OSBPL6: variants seen among roughly 807,000 people sequenced by gnomAD.
The protein encoded by OSBPL6 is oxysterol binding protein like 6.
Under a neutral mutation model 125.8 loss-of-function variants are expected in OSBPL6, and 49 were observed. The ratio of observed to expected loss-of-function variants is 0.39; its 90% CI spans 0.31 to 0.49. The LOEUF (loss-of-function observed/expected upper bound fraction) is 0.49. Among genes scored for constraint, OSBPL6 ranks in the 20% least tolerant of loss-of-function variants. The pLI is 0.88. For missense variants in OSBPL6, 986 were observed against 1,135.4 expected (o/e 0.87, Z 1.89); for synonymous variants, 394 against 391.8 (o/e 1.01, Z -0.07).
Position 178,372,269 on chromosome 2 carries a change from T to A in OSBPL6, c.1395+36T>A, listed in dbSNP as rs368828840. ...TTTTAAATAGATGCAGAGTACCTATTTTTTAGCATCTAAATTTACTGCATA... is the reference window on the plus strand; with the variant it reads ...TTTTAAATAGATGCAGAGTACCTATATTTTAGCATCTAAATTTACTGCATA... On this transcript the variant is annotated intron_variant, in intron 14 of 24. Coordinates refer to ENST00000190611, the MANE Select transcript of OSBPL6 (RefSeq NM_032523.4). 1,772 of 1,448,026 alleles carry A rather than the reference T, an allele frequency of 1.2e-3. 2 individuals carry two copies. The highest frequency in any genetic ancestry group is 1.6e-3 in the Non-Finnish European group (1,699 of 1,046,734). 89.7% of individuals were successfully genotyped at this position (1,448,026 alleles called of 1,614,324 possible).
intron 1 of OSBPL6, among the ~76,000 whole-genome samples, chr2:178,267,664 C>T (rs540874220): frequency 6.6e-6 from 1 of 152,256 alleles, no homozygotes; most frequent in Admixed American, 6.5e-5. Flanking sequence ...TGTGATGTAA[C>T]AGGTTAAATG....
In OSBPL6 at chr2:178,397,330, C is replaced by G. The variant is rs554926378; in HGVS notation, c.*1771C>G. 94 of 152,348 alleles carry G rather than the reference C, an allele frequency of 6.2e-4. 1 individual carries two copies. Among genetic ancestry groups the G allele is most frequent in the African/African-American group, 2.1e-3 (86 of 41,580 alleles). The allele number at this position is 152,348 out of a possible 1,614,324, so 9.4% of individuals were successfully genotyped here. ...TAAATTTTCGAATCCATCACCAGAT[C>G]TAAGCATTCTGCTTCAACAATACCC... On this transcript the variant is annotated 3_prime_UTR_variant, in exon 25 of 25. Coordinates refer to ENST00000190611, the MANE Select transcript of OSBPL6 (RefSeq NM_032523.4).
chr2:178,216,525 T>C (rs1009348953), intron 1 of OSBPL6, among the ~76,000 whole-genome samples: 2 of 152,218 alleles, frequency 1.3e-5, no homozygotes, highest in Non-Finnish European at 2.9e-5. Context: ...TCTTCTTTTA[T>C]TGGTTGAGAA....
rs371405170 is a variant in OSBPL6, at chr2:178,309,276, TCTC to T, written c.102+2994_102+2996del. Among the ~76,000 whole-genome samples the T allele has an allele frequency of 7.4e-3, 1,133 of 152,234 alleles. 14 individuals are homozygous for T. Among genetic ancestry groups the T allele is most frequent in the African/African-American group, 0.026 (1,085 of 41,534 alleles). ...TATTGCTTATCTTTTTATGTACTGA[TCTC>T]CTCATCTGTATTGTGAGCTCTCGTA... On this transcript the variant is annotated intron_variant, in intron 3 of 24. Transcript: ENST00000190611.
chr2:178,219,353 A>T (rs1471072541), intron 1 of OSBPL6, among the ~76,000 whole-genome samples: 1 of 152,210 alleles, frequency 6.6e-6, no homozygotes, highest in Non-Finnish European at 1.5e-5. Flanking sequence ...ACTGAAAATA[A>T]AAAATAGTAG....
chr2:178,359,947 C>T (rs1472037741), intron 12 of OSBPL6, among the ~76,000 whole-genome samples: 1 of 152,052 alleles, frequency 6.6e-6, no homozygotes, highest in Non-Finnish European at 1.5e-5. Context: ...ATTAGTCAGG[C>T]GTGGTGGTGC....
In OSBPL6 at chr2:178,265,656, C is replaced by G. The variant is rs112822143; in HGVS notation, c.-350-19271C>G. Reference sequence around the variant, plus strand: ...ATCACAGCTCTTGGAAGCATGGCAGCCTTTTGGTGGGGAGTCTAATCTGGG... The same window carrying G: ...ATCACAGCTCTTGGAAGCATGGCAGGCTTTTGGTGGGGAGTCTAATCTGGG... On this transcript the variant is annotated intron_variant, in intron 1 of 24. Transcript: ENST00000190611. Among the ~76,000 whole-genome samples the G allele has an allele frequency of 6.8e-3, 1,031 of 152,206 alleles. 10 individuals carry two copies. Among genetic ancestry groups the G allele is most frequent in the African/African-American group, 0.023 (974 of 41,528 alleles).
At chr2:178,275,464 A>G (rs1427261883) in intron 1 of OSBPL6, among the ~76,000 whole-genome samples, 1 of 152,162 alleles carries the variant, frequency 6.6e-6, no homozygotes, top group African/African-American at 2.4e-5. Flanking sequence ...GTGAGCCAAG[A>G]TTGCACCACT....
intron 1 of OSBPL6, among the ~76,000 whole-genome samples, chr2:178,200,247 CTTTTTTTTTTTTT>C (rs767677596): frequency 9.1e-6 from 1 of 109,742 alleles, no homozygotes; most frequent in East Asian, 2.6e-4. Flanking sequence ...TTCTTCAGAC[CTTTTTTTTTTTTT>C]TTTTTTTTTG....
intron 11 of OSBPL6, among the ~76,000 whole-genome samples, chr2:178,345,459 G>A (rs1213690634): frequency 6.6e-6 from 1 of 152,136 alleles, no homozygotes; most frequent in Non-Finnish European, 1.5e-5. Flanking sequence ...AAATGAACCA[G>A]TGACTTGGAA....
intron 11 of OSBPL6, among the ~76,000 whole-genome samples, chr2:178,347,596 A>G (rs10930829): frequency 0.26 from 39,031 of 152,036 alleles, 5,290 homozygotes; most frequent in Admixed American, 0.38. Context: ...TTCCTTTGTA[A>G]GTATCCTAAA....
intron 3 of OSBPL6, among the ~76,000 whole-genome samples, chr2:178,318,379 A>C (rs192195741): frequency 4.2e-4 from 64 of 152,144 alleles, no homozygotes; most frequent in African/African-American, 1.5e-3. Context: ...TGTTTCTAAA[A>C]TTTTCTACTT....
At position 178,228,466 on chromosome 2, in the gene OSBPL6, T is replaced by C. The variant is rs185385589; in HGVS notation, c.-351+33792T>C. 4.9e-3 allele frequency among the ~76,000 whole-genome samples: 746 copies of C among 152,248 alleles called. 10 individuals are homozygous for C. Among genetic ancestry groups the C allele is most frequent in the South Asian group, 0.033 (157 of 4,830 alleles). ...AGAAGAATGGCGTGAAGCCGGGAGG[T>C]GGAGCTTGCAGTGAGCCAAGATTGT... On this transcript the variant is annotated intron_variant, in intron 1 of 24. Coordinates refer to ENST00000190611, the MANE Select transcript of OSBPL6 (RefSeq NM_032523.4).
At chr2:178,338,806 T>C (rs1374773086) in intron 9 of OSBPL6, among the ~76,000 whole-genome samples, 185 bp from the exon 10 acceptor site, 1 of 152,190 alleles carries the variant, frequency 6.6e-6, no homozygotes, top group Non-Finnish European at 1.5e-5. Flanking sequence ...AGCTTTGAAA[T>C]ATAATGAATG....
intron 15 of OSBPL6, among the ~76,000 whole-genome samples, chr2:178,381,424 G>C (rs1559317551): frequency 6.6e-6 from 1 of 152,118 alleles, no homozygotes; most frequent in Admixed American, 6.5e-5. Context: ...CACGATCTCA[G>C]CTCACTGCAA....
chr2:178,198,568 C>G (rs775593703), intron 1 of OSBPL6, among the ~76,000 whole-genome samples: 4 of 149,932 alleles, frequency 2.7e-5, no homozygotes, highest in African/African-American at 9.8e-5. Context: ...TGCAGTGAGC[C>G]GAGATTGCAC....
chr2:178,382,866 G>A, intron 16 of OSBPL6, 158 bp from the exon 17 acceptor site: 5 of 1,393,086 alleles, frequency 3.6e-6, no homozygotes, highest in South Asian at 1.5e-5. Flanking sequence ...GCATTTATTA[G>A]CAACCTTGCA....
intron 22 of OSBPL6, among the ~76,000 whole-genome samples, chr2:178,391,835 A>G (rs537495038): frequency 2.0e-5 from 3 of 152,296 alleles, no homozygotes; most frequent in Non-Finnish European, 4.4e-5. Context: ...TAGTTTCCTA[A>G]GAGACATCAA....
Position 178,349,405 on chromosome 2 carries a change from A to G in OSBPL6, c.1153+16A>G, listed in dbSNP as rs1559278446. On this transcript the variant is annotated intron_variant, in intron 12 of 24. Coordinates refer to ENST00000190611, the MANE Select transcript of OSBPL6 (RefSeq NM_032523.4). ...GCACAGAAAGGTAAGAACAAAAATAATGCGCCCTTTAAAGAAGCTCTCTTC... is the reference window on the plus strand; with the variant it reads ...GCACAGAAAGGTAAGAACAAAAATAGTGCGCCCTTTAAAGAAGCTCTCTTC... 6.2e-7 allele frequency: 1 copy of G among 1,610,826 alleles called. No individual in the cohort carries two copies. Among genetic ancestry groups the G allele is most frequent in the South Asian group, 1.1e-5 (1 of 90,872 alleles).
Sources: gnomAD v4.1 joint callset for allele counts (sites outside exome capture counted in the v4.1 genomes callset) on GRCh38, gnomAD v4.1.1 for gene constraint, MANE v1.5 for transcripts, NCBI Gene and HGNC (gene_info 2026-07-23, HGNC 2026-07-21) for gene names.